The following EXT1 variants were observed in gnomAD, a reference collection of about 807,000 sequenced individuals.
EXT1 encodes the protein exostosin glycosyltransferase 1.
EXT1 carries 20 observed loss-of-function variants against 82.5 expected under a neutral mutation model. That is an observed-to-expected ratio of 0.24 (90% confidence interval 0.17 to 0.35). The LOEUF (loss-of-function observed/expected upper bound fraction) is 0.35, where lower values mean the gene tolerates loss of function less well. Among genes scored for constraint, EXT1 ranks in the 10% least tolerant of loss-of-function variants. The pLI is 1.00. For synonymous variants in EXT1, 348 were observed against 350.8 expected (o/e 0.99, Z 0.09); for missense variants, 757 against 936.5 (o/e 0.81, Z 2.50).
At chr8:118,094,695 C>G (rs559272003) in intron 1 of EXT1, among the ~76,000 whole-genome samples, 7 of 152,324 alleles carry the variant, frequency 4.6e-5, no homozygotes, top group African/African-American at 1.4e-4. Flanking sequence ...GGGAAGCTGA[C>G]CAAGGTCTCG....
At chr8:117,893,894 G>A (rs1055307025) in intron 1 of EXT1, among the ~76,000 whole-genome samples, 4 of 152,092 alleles carry the variant, frequency 2.6e-5, no homozygotes, top group African/African-American at 9.7e-5. Flanking sequence ...GAATCCCCAC[G>A]CTGGTTATCT....
At chr8:118,041,721 A>AAGGAAG (rs1563637861) in intron 1 of EXT1, among the ~76,000 whole-genome samples, 89 of 111,850 alleles carry the variant, frequency 8.0e-4, no homozygotes, top group African/African-American at 2.9e-3. Flanking sequence ...AAGGAAGGAA[A>AAGGAAG]AAGAAAAGGG....
intron 1 of EXT1, among the ~76,000 whole-genome samples, chr8:118,012,182 C>A (rs1015375097): frequency 6.6e-6 from 1 of 152,224 alleles, no homozygotes; most frequent in Non-Finnish European, 1.5e-5. Context: ...AAGTAGGGAA[C>A]CCTCAATGAA....
intron 1 of EXT1, among the ~76,000 whole-genome samples, chr8:117,979,555 A>G (rs370801490): frequency 5.9e-5 from 9 of 152,188 alleles, no homozygotes; most frequent in East Asian, 3.9e-4. Flanking sequence ...AAATCTAGAC[A>G]GTGGAGCAAC....
At chr8:117,953,092 C>T (rs1461689356) in intron 1 of EXT1, among the ~76,000 whole-genome samples, 1 of 152,036 alleles carries the variant, frequency 6.6e-6, no homozygotes, top group Non-Finnish European at 1.5e-5. Flanking sequence ...ATAACGATTC[C>T]CTCTTTTGTT....
intron 1 of EXT1, among the ~76,000 whole-genome samples, chr8:118,075,202 C>G (rs1437869104): frequency 6.6e-6 from 1 of 152,236 alleles, no homozygotes; most frequent in Admixed American, 6.5e-5. Flanking sequence ...GCCCAAATTC[C>G]TGGGCCCAGA....
At chr8:118,096,686 G>GGGAGGGAA (rs1563654964) in intron 1 of EXT1, among the ~76,000 whole-genome samples, 12 of 89,450 alleles carry the variant, frequency 1.3e-4, no homozygotes, top group African/African-American at 4.6e-4. Context: ...GAGGGAGGGA[G>GGGAGGGAA]GGAGGGAAGG....
intron 1 of EXT1, among the ~76,000 whole-genome samples, chr8:117,922,293 T>G (rs1813871547): frequency 6.6e-6 from 1 of 152,000 alleles, no homozygotes; most frequent in Non-Finnish European, 1.5e-5. Context: ...GAGGTCTAAG[T>G]AAACAAACAA....
At chr8:117,846,572 A>T (rs1441551672) in intron 1 of EXT1, among the ~76,000 whole-genome samples, 1 of 152,062 alleles carries the variant, frequency 6.6e-6, no homozygotes, top group Admixed American at 6.6e-5. Flanking sequence ...GTGCAGGGGG[A>T]AAAGAGGGGA....
At chr8:117,856,609 T>C (rs1281990278) in intron 1 of EXT1, among the ~76,000 whole-genome samples, 3 of 151,808 alleles carry the variant, frequency 2.0e-5, no homozygotes, top group African/African-American at 7.3e-5. Flanking sequence ...ATGTGGAAGC[T>C]ACAGAAGAAA....
intron 10 of EXT1, among the ~76,000 whole-genome samples, chr8:117,803,381 G>C (rs1015332896): frequency 1.3e-5 from 2 of 152,008 alleles, no homozygotes; most frequent in Non-Finnish European, 2.9e-5. Context: ...ATTTTTAGTA[G>C]AGATGGGGTT....
chr8:118,042,783 C>G (rs779110615), intron 1 of EXT1, among the ~76,000 whole-genome samples: 7 of 152,210 alleles, frequency 4.6e-5, no homozygotes, highest in Non-Finnish European at 1.0e-4. Context: ...CCAAGATGGA[C>G]AGTTGCTCCT....
At chr8:117,972,986 T>G (rs1814973105) in intron 1 of EXT1, among the ~76,000 whole-genome samples, 1 of 152,202 alleles carries the variant, frequency 6.6e-6, no homozygotes, top group Non-Finnish European at 1.5e-5. Flanking sequence ...CGTATCAATA[T>G]GTTTCACTAG....
chr8:117,897,446 T>G (rs7002023), intron 1 of EXT1, among the ~76,000 whole-genome samples: 77,284 of 151,942 alleles, frequency 0.51, 20,030 homozygotes, highest in Middle Eastern at 0.63. Context: ...CTGTTCCTGC[T>G]TTATTTCAAT....
intron 1 of EXT1, among the ~76,000 whole-genome samples, chr8:117,851,942 A>G (rs565442525): frequency 6.6e-6 from 1 of 152,314 alleles, no homozygotes; most frequent in Admixed American, 6.5e-5. Context: ...TGGGATTGCA[A>G]TGAAACTCCT....
intron 1 of EXT1, among the ~76,000 whole-genome samples, chr8:118,009,912 G>A (rs935782171): frequency 1.3e-5 from 2 of 152,114 alleles, no homozygotes; most frequent in African/African-American, 2.4e-5. Context: ...GACCAAATGC[G>A]TATTTAGTGC....
At chr8:117,851,402 A>G (rs1812450999) in intron 1 of EXT1, among the ~76,000 whole-genome samples, 1 of 151,068 alleles carries the variant, frequency 6.6e-6, no homozygotes, top group African/African-American at 2.4e-5. Flanking sequence ...GTGAGGTTTC[A>G]TTCTGTAAGA....
Position 117,883,990 on chromosome 8 carries a change from T to C in EXT1, c.963-46789A>G, listed in dbSNP as rs28357265. 1.8e-4 allele frequency among the ~76,000 whole-genome samples: 27 copies of C among 152,346 alleles called. No individual in the cohort carries two copies. In the East Asian group the frequency reaches 5.2e-3, roughly 29 times the overall value. The stretch of plus-strand genomic sequence containing the variant: ...CTCTCAACCAGCTTATGAGTGTCAC[T>C]TGGGGATTTGGAGAGAGTCGGAGGG... On this transcript the variant is annotated intron_variant, in intron 1 of 10. Coordinates refer to ENST00000378204, the MANE Select transcript of EXT1 (RefSeq NM_000127.3).
intron 1 of EXT1, among the ~76,000 whole-genome samples, chr8:117,992,881 C>G (rs1171679000): frequency 1.3e-5 from 2 of 152,200 alleles, no homozygotes. Flanking sequence ...GTGACAGTGT[C>G]AAGCAGAAAA....
Sources: allele counts gnomAD v4.1 joint callset (sites outside exome capture counted in the v4.1 genomes callset), GRCh38; gene constraint gnomAD v4.1.1; transcripts MANE v1.5; gene names NCBI Gene and HGNC (gene_info 2026-07-23, HGNC 2026-07-21).